WHRN: variants seen among roughly 807,000 people sequenced by gnomAD.
WHRN encodes whirlin, also known as CASK-interacting protein CIP98.
Under a neutral mutation model 68.3 loss-of-function variants are expected in WHRN, and 41 were observed. The ratio of observed to expected loss-of-function variants is 0.60; its 90% CI spans 0.47 to 0.78. WHRN has a LOEUF of 0.78. Ranked by LOEUF, WHRN falls within the 30% of genes least tolerant of loss-of-function variation. WHRN has a pLI of 0.00. For missense variants in WHRN, 1,243 were observed against 1,244.7 expected (o/e 1.00, Z 0.02); for synonymous variants, 560 against 561.3 (o/e 1.00, Z 0.03).
At chr9:114,406,030 A>G (rs1253344357) in intron 9 of WHRN, among the ~76,000 whole-genome samples, 1 of 152,252 alleles carries the variant, frequency 6.6e-6, no homozygotes, top group Non-Finnish European at 1.5e-5. Context: ...CCACGAGTTC[A>G]GTCCTCCTGG....
At chr9:114,482,293 A>T (rs1229928008) in intron 1 of WHRN, among the ~76,000 whole-genome samples, 1 of 152,220 alleles carries the variant, frequency 6.6e-6, no homozygotes, top group East Asian at 1.9e-4. Flanking sequence ...AACCGTTAAC[A>T]TCCACAGGCA....
intron 9 of WHRN, among the ~76,000 whole-genome samples, chr9:114,405,357 T>C (rs1026984316): frequency 1.3e-5 from 2 of 152,176 alleles, no homozygotes; most frequent in African/African-American, 4.8e-5. Flanking sequence ...ATTACAGGCA[T>C]GAGCCACTGC....
intron 3 of WHRN, among the ~76,000 whole-genome samples, chr9:114,435,674 C>T (rs1482990878): frequency 6.6e-6 from 1 of 152,160 alleles, no homozygotes; most frequent in East Asian, 1.9e-4. Flanking sequence ...ATCCAGTCTA[C>T]CACCTGCTTC....
At chr9:114,426,994 G>C (rs1229646085) in intron 3 of WHRN, among the ~76,000 whole-genome samples, 1 of 152,254 alleles carries the variant, frequency 6.6e-6, no homozygotes, top group Non-Finnish European at 1.5e-5. Flanking sequence ...GGCAGGTACA[G>C]TGGCTCATGC....
chr9:114,471,213 A>G (rs1239303869), intron 2 of WHRN, among the ~76,000 whole-genome samples: 16 of 152,198 alleles, frequency 1.1e-4, no homozygotes, highest in Non-Finnish European at 1.5e-5. Context: ...TAATATTAAT[A>G]GAATAATAAC....
chr9:114,428,956 A>T (rs1372277615), intron 3 of WHRN, among the ~76,000 whole-genome samples: 15 of 150,304 alleles, frequency 1.0e-4, no homozygotes, highest in Admixed American at 9.9e-4. Flanking sequence ...TTGGAGACTG[A>T]GTCTCCCTCT....
At chr9:114,503,330 A>T in intron 1 of WHRN, 50 of 342,304 alleles carry the variant, frequency 1.5e-4, no homozygotes, top group Non-Finnish European at 1.8e-4. Flanking sequence ...TACGCAAAGG[A>T]GGTCGGGGGA....
Position 114,426,348 on chromosome 9 carries a change from G to T in WHRN, c.1029C>A (p.Val343=), listed in dbSNP as rs151112714. ...SFLNILHDEA[V]RLLKSSRHLI... is the part of the protein sequence containing the mutation. ...GGTGCCGAGATGACTTAAGCAGCCTGACAGCCTCGTCGTGTAGGATGTTGA... is the reference window on the plus strand; with the variant it reads ...GGTGCCGAGATGACTTAAGCAGCCTTACAGCCTCGTCGTGTAGGATGTTGA... Residue 343 remains valine, a synonymous_variant, in exon 4 of 12, where the codon GTC becomes GTA. Coordinates refer to ENST00000362057, the MANE Select transcript of WHRN (RefSeq NM_015404.4). 1.3e-4 allele frequency: 216 copies of T among 1,614,094 alleles called. No homozygotes were observed. The highest frequency in any genetic ancestry group is 1.1e-3 in the African/African-American group (86 of 75,046).
At chr9:114,424,938 A>G in intron 5 of WHRN, 50 bp downstream of exon 5, 1 of 1,600,040 alleles carries the variant, frequency 6.2e-7, no homozygotes, top group Non-Finnish European at 8.6e-7. Flanking sequence ...AGACCTCCTC[A>G]CTCAGGGAGC....
chr9:114,475,921 G>C (rs1841612783), intron 2 of WHRN, among the ~76,000 whole-genome samples: 1 of 152,090 alleles, frequency 6.6e-6, no homozygotes, highest in Non-Finnish European at 1.5e-5. Flanking sequence ...GCCTCCTTCG[G>C]TATCTGGGTC....
In WHRN at chr9:114,405,089, T is replaced by A. The variant is rs551123891; in HGVS notation, c.2237-1012A>T. On this transcript the variant is annotated intron_variant, in intron 9 of 11. Coordinates refer to ENST00000362057, the MANE Select transcript of WHRN (RefSeq NM_015404.4). ...CTCTCTCTTTTTTTTTTTTTTTTTTTTTTGAGACAGATTCTCACTCTGTCA... is the reference window on the plus strand; with the variant it reads ...CTCTCTCTTTTTTTTTTTTTTTTTTATTTGAGACAGATTCTCACTCTGTCA... 8.0e-4 allele frequency among the ~76,000 whole-genome samples: 118 copies of A among 147,810 alleles called. 1 individual carries two copies. In the South Asian group the frequency reaches 0.01, roughly 13 times the overall value.
chr9:114,410,890 C>T (rs968441268), intron 7 of WHRN, among the ~76,000 whole-genome samples: 3 of 152,230 alleles, frequency 2.0e-5, no homozygotes, highest in Admixed American at 6.5e-5. Flanking sequence ...TGATTAGTGA[C>T]ACTGGTTCTG....
chr9:114,475,637 T>C (rs1841586418), intron 2 of WHRN, among the ~76,000 whole-genome samples: 1 of 152,166 alleles, frequency 6.6e-6, no homozygotes, highest in Admixed American at 6.5e-5. Flanking sequence ...GTGGAGGTTA[T>C]GGTTACGAGT....
intron 1 of WHRN, among the ~76,000 whole-genome samples, chr9:114,486,886 G>A (rs930460689): frequency 1.4e-3 from 2 of 1,390 alleles, no homozygotes; most frequent in African/African-American, 2.3e-3. Context: ...GATTAAATTA[G>A]TGTGTGTGTG....
At chr9:114,498,402 A>T (rs1403476431) in intron 1 of WHRN, among the ~76,000 whole-genome samples, 4 of 152,302 alleles carry the variant, frequency 2.6e-5, no homozygotes, top group Admixed American at 2.0e-4. Flanking sequence ...ATGTCACAGC[A>T]CTGTAAATGC....
intron 9 of WHRN, among the ~76,000 whole-genome samples, chr9:114,404,815 T>C (rs1003563880): frequency 3.3e-5 from 5 of 152,190 alleles, no homozygotes; most frequent in African/African-American, 9.7e-5. Flanking sequence ...ATCTGATGTA[T>C]AGAATGGAGC....
chr9:114,418,171 G>T (rs979859888), intron 7 of WHRN, among the ~76,000 whole-genome samples: 2 of 152,194 alleles, frequency 1.3e-5, no homozygotes, highest in Non-Finnish European at 2.9e-5. Context: ...CAGGAAGGGT[G>T]GTACCTCCAT....
At chr9:114,427,890 ATGT>A (rs140255571) in intron 3 of WHRN, among the ~76,000 whole-genome samples, 4,060 of 152,172 alleles carry the variant, frequency 0.027, 77 homozygotes, top group Non-Finnish European at 0.04. Flanking sequence ...GTGTGCTGGG[ATGT>A]TGTGCTGAGC....
chr9:114,493,354 T>A (rs1213539106), intron 1 of WHRN, among the ~76,000 whole-genome samples: 1,587 of 81,552 alleles, frequency 0.019, 38 homozygotes, highest in African/African-American at 0.066. Flanking sequence ...CTATCTTTTT[T>A]TTAAAAAAAA....
Sources: allele counts gnomAD v4.1 joint callset (sites outside exome capture counted in the v4.1 genomes callset), GRCh38; gene constraint gnomAD v4.1.1; transcripts MANE v1.5; gene names NCBI Gene and HGNC (gene_info 2026-07-23, HGNC 2026-07-21).